RBFOX1: variants seen among roughly 807,000 people sequenced by gnomAD.
The protein encoded by RBFOX1 is RNA binding protein fox-1 homolog 1.
In RBFOX1, 8 loss-of-function variants were observed where a neutral mutation model predicts 57.7. The ratio of observed to expected loss-of-function variants is 0.14; its 90% CI spans 0.08 to 0.25. The LOEUF is 0.25. Ranked by LOEUF, RBFOX1 falls within the 10% of genes least tolerant of loss-of-function variation. RBFOX1 has a pLI of 1.00. For missense variants in RBFOX1, 611 were observed against 548.5 expected, an observed-to-expected ratio of 1.11 and a Z score of -1.14; for synonymous variants, 326 against 222.4, an observed-to-expected ratio of 1.47 and a Z score of -4.15.
chr16:5,669,501 C>T (rs1017408673), intron 3 of RBFOX1, among the ~76,000 whole-genome samples: 2 of 146,102 alleles, frequency 1.4e-5, no homozygotes, highest in African/African-American at 5.1e-5. Context: ...CTCACTGCAA[C>T]CTCCAACTCC....
At chr16:6,900,591 T>G (rs7206467) in intron 3 of RBFOX1, among the ~76,000 whole-genome samples, 7 of 152,052 alleles carry the variant, frequency 4.6e-5, no homozygotes, top group Admixed American at 2.0e-4. Context: ...TTTTCCAGTT[T>G]TAGCAATGTG....
chr16:7,204,467 C>T lies in RBFOX1; in HGVS notation c.27+152369C>T, dbSNP rs957544311. On this transcript the variant is annotated intron_variant, in intron 4 of 15. Transcript: ENST00000550418. ...GACCAGCCTAAGCAACATAGTAAGA[C>T]ATTGTCTCTATAAAAATTATAATAG... Among the ~76,000 whole-genome samples, 4 of 152,116 alleles carry T rather than the reference C, an allele frequency of 2.6e-5. No individual in the cohort carries two copies. The East Asian group carries it at 5.8e-4, about 22-fold the overall frequency.
chr16:5,791,214 G>A (rs988787686), intron 3 of RBFOX1, among the ~76,000 whole-genome samples: 1 of 152,066 alleles, frequency 6.6e-6, no homozygotes, highest in Non-Finnish European at 1.5e-5. Context: ...TCATTAAATA[G>A]CACATACTTA....
At chr16:6,214,103 G>T (rs769120738) in intron 1 of RBFOX1, among the ~76,000 whole-genome samples, 8 of 152,206 alleles carry the variant, frequency 5.3e-5, no homozygotes, top group Non-Finnish European at 8.8e-5. Context: ...GCATGAGTGG[G>T]TGCCTTGTTC....
chr16:6,086,530 A>G (rs1250617631), intron 1 of RBFOX1, among the ~76,000 whole-genome samples: 1 of 152,202 alleles, frequency 6.6e-6, no homozygotes, highest in Non-Finnish European at 1.5e-5. Context: ...CTGCTTAAAC[A>G]TAAACCAGCA....
At chr16:5,286,911 A>C (rs1190430038) in intron 1 of RBFOX1, among the ~76,000 whole-genome samples, 1 of 152,200 alleles carries the variant, frequency 6.6e-6, no homozygotes, top group Non-Finnish European at 1.5e-5. Context: ...TAGTTTGCCA[A>C]CCCTGTTCAG....
At position 6,616,261 on chromosome 16, in the gene RBFOX1, A is replaced by T. The variant is rs779715233; in HGVS notation, c.-63-38342A>T. Among the ~76,000 whole-genome samples the T allele has an allele frequency of 3.9e-5, 6 of 152,306 alleles. No homozygotes were observed. In the South Asian group the frequency reaches 6.2e-4, roughly 16 times the overall value. On this transcript the variant is annotated intron_variant, in intron 2 of 15. Transcript: ENST00000550418. Reference sequence around the variant, plus strand: ...CATATTCTCCTGTCCTTTAAAAATTATATTAACTTATTTTTAATCAGTTTA... The same window carrying T: ...CATATTCTCCTGTCCTTTAAAAATTTTATTAACTTATTTTTAATCAGTTTA...
chr16:5,751,083 T>A (rs1024948773), intron 3 of RBFOX1, among the ~76,000 whole-genome samples: 11 of 152,156 alleles, frequency 7.2e-5, no homozygotes, highest in South Asian at 6.2e-4. Context: ...CCTGAAGAGA[T>A]CTGCCCACCT....
At chr16:5,848,724 A>G (rs28581554) in intron 3 of RBFOX1, among the ~76,000 whole-genome samples, 17,249 of 152,134 alleles carry the variant, frequency 0.11, 1,346 homozygotes, top group African/African-American at 0.22. Flanking sequence ...AGGTGGGTGG[A>G]TCACCTGAGG....
At chr16:6,043,270 G>T (rs1384591075) in intron 1 of RBFOX1, among the ~76,000 whole-genome samples, 11 of 151,888 alleles carry the variant, frequency 7.2e-5, no homozygotes, top group East Asian at 5.9e-4. Flanking sequence ...ATCTTAAAAG[G>T]TGTCCGTCTC....
chr16:6,791,160 G>T (rs565918323), intron 3 of RBFOX1, among the ~76,000 whole-genome samples: 1 of 152,036 alleles, frequency 6.6e-6, no homozygotes, highest in African/African-American at 2.4e-5. Flanking sequence ...TCCCGCCTCA[G>T]CCTCCCAAAG....
intron 1 of RBFOX1, among the ~76,000 whole-genome samples, chr16:5,464,410 A>T (rs1462577847): frequency 6.6e-6 from 1 of 152,204 alleles, no homozygotes; most frequent in East Asian, 1.9e-4. Context: ...TTAGGAAAAG[A>T]TGTCAGAGAG....
At chr16:7,298,287 T>TTTTTTTG (rs2095945524) in intron 4 of RBFOX1, among the ~76,000 whole-genome samples, 1 of 119,312 alleles carries the variant, frequency 8.4e-6, no homozygotes, top group Non-Finnish European at 1.7e-5. Context: ...TTTTTTTTGT[T>TTTTTTTG]TTTTTTTTTT....
chr16:6,481,115 C>A (rs959308776), intron 2 of RBFOX1, among the ~76,000 whole-genome samples: 3 of 152,176 alleles, frequency 2.0e-5, no homozygotes, highest in African/African-American at 7.2e-5. Context: ...AAATCAGCTT[C>A]CCGAGAGACA....
chr16:7,607,031 T>C (rs2095309529), intron 9 of RBFOX1, among the ~76,000 whole-genome samples: 1 of 152,196 alleles, frequency 6.6e-6, no homozygotes, highest in African/African-American at 2.4e-5. Context: ...CCATGTCATT[T>C]TCAAAGGGTT....
intron 12 of RBFOX1, among the ~76,000 whole-genome samples, chr16:7,659,094 G>C (rs1261429200): frequency 6.6e-6 from 1 of 152,136 alleles, no homozygotes; most frequent in Non-Finnish European, 1.5e-5. Flanking sequence ...TGTTCTCTAG[G>C]TATCTCTGAG....
rs373664071 is a variant in RBFOX1, at chr16:7,148,986, T to G, written c.27+96888T>G. Reference sequence around the variant, plus strand: ...AGATAGGAAACCTGAAGCCATAGTATTTTGCTTCTTTCCTGGCTTAGAGAA... The same window carrying G: ...AGATAGGAAACCTGAAGCCATAGTAGTTTGCTTCTTTCCTGGCTTAGAGAA... On this transcript the variant is annotated intron_variant, in intron 4 of 15. Transcript: ENST00000550418. Among the ~76,000 whole-genome samples, 19 of 152,330 alleles carry G rather than the reference T, an allele frequency of 1.2e-4. No individual in the cohort carries two copies. The South Asian group carries it at 3.7e-3, about 30-fold the overall frequency.
intron 2 of RBFOX1, among the ~76,000 whole-genome samples, chr16:6,514,721 G>T (rs1003811747): frequency 6.6e-6 from 1 of 152,084 alleles, no homozygotes; most frequent in African/African-American, 2.4e-5. Context: ...TAGTCATGAA[G>T]TTTCTAGTAA....
At chr16:7,597,140 A>C (rs1325426475) in intron 8 of RBFOX1, 1 of 394,332 alleles carries the variant, frequency 2.5e-6, no homozygotes, top group Non-Finnish European at 4.5e-6. Flanking sequence ...AACACTCTTA[A>C]TGATATGACA....
Sources: allele counts gnomAD v4.1 joint callset (sites outside exome capture counted in the v4.1 genomes callset), GRCh38; gene constraint gnomAD v4.1.1; transcripts MANE v1.5; gene names NCBI Gene and HGNC (gene_info 2026-07-23, HGNC 2026-07-21).